FBXL2: variants seen among roughly 807,000 people sequenced by gnomAD.
FBXL2 encodes the protein F-box/LRR-repeat protein 2.
FBXL2 carries 38 observed loss-of-function variants against 69.2 expected under a neutral mutation model. The ratio of observed to expected loss-of-function variants is 0.55; its 90% CI spans 0.42 to 0.72. The LOEUF (loss-of-function observed/expected upper bound fraction) is 0.72. Ranked by LOEUF, FBXL2 falls within the 30% of genes least tolerant of loss-of-function variation. The pLI, the probability that FBXL2 is intolerant of heterozygous loss-of-function variation, is 0.00. For synonymous variants in FBXL2, 192 were observed against 201.3 expected (o/e 0.95, Z 0.39); for missense variants, 354 against 520.3 (o/e 0.68, Z 3.11).
intron 1 of FBXL2, among the ~76,000 whole-genome samples, chr3:33,285,989 C>T (rs1293529172): frequency 1.3e-5 from 2 of 152,196 alleles, no homozygotes; most frequent in African/African-American, 4.8e-5. Flanking sequence ...CGAACATCCT[C>T]CTTTAGCTTG....
intron 2 of FBXL2, among the ~76,000 whole-genome samples, chr3:33,311,710 C>T (rs112941117): frequency 1.4e-4 from 21 of 152,054 alleles, no homozygotes; most frequent in South Asian, 2.1e-4. Flanking sequence ...CTGCAACCTC[C>T]GCCTCCCAGG....
chr3:33,358,226 C>T (rs953975814), intron 2 of FBXL2, among the ~76,000 whole-genome samples: 1 of 152,194 alleles, frequency 6.6e-6, no homozygotes, highest in Non-Finnish European at 1.5e-5. Flanking sequence ...CACAGAAAAG[C>T]TGCCCTTTGT....
intron 2 of FBXL2, among the ~76,000 whole-genome samples, chr3:33,324,041 A>G (rs1307590495): frequency 2.6e-5 from 4 of 152,024 alleles, no homozygotes; most frequent in Non-Finnish European, 5.9e-5. Context: ...TTTGATTTGC[A>G]TTTCTCTAGT....
the FBXL2 span, chr3:33,416,693 T>A: frequency 7.8e-7 from 1 of 1,277,712 alleles, no homozygotes; most frequent in Non-Finnish European, 1.1e-6. Flanking sequence ...AATTAATTTT[T>A]TTTTAAACAA....
At chr3:33,306,070 A>G (rs1181218248) in intron 2 of FBXL2, among the ~76,000 whole-genome samples, 1 of 151,338 alleles carries the variant, frequency 6.6e-6, no homozygotes, top group African/African-American at 2.4e-5. Context: ...TTTGCGTTTT[A>G]TTCTGTTTTC....
Position 33,358,025 on chromosome 3 carries a change from G to A in FBXL2, c.66-942G>A, listed in dbSNP as rs535527536. 8.5e-5 allele frequency among the ~76,000 whole-genome samples: 13 copies of A among 152,284 alleles called. No homozygotes were observed. The South Asian group carries it at 2.1e-3, about 24-fold the overall frequency. ...GATTCTACTCTTCTTCCCTGAGTCC[G>A]TGGATTTTTATCTCACCACCGATTG... is the stretch of plus-strand genomic sequence containing the variant. On this transcript the variant is annotated intron_variant, in intron 2 of 14. Coordinates refer to ENST00000484457, the MANE Select transcript of FBXL2 (RefSeq NM_012157.5).
intron 9 of FBXL2, 97 bp downstream of exon 9, chr3:33,374,018 G>C (rs949564130): frequency 2.0e-5 from 22 of 1,107,580 alleles, no homozygotes; most frequent in Non-Finnish European, 3.0e-5. Flanking sequence ...CACCTGAGAT[G>C]GGCTGTGTTG....
At chr3:33,345,398 A>T (rs948025481) in intron 2 of FBXL2, among the ~76,000 whole-genome samples, 1 of 152,166 alleles carries the variant, frequency 6.6e-6, no homozygotes, top group Non-Finnish European at 1.5e-5. Flanking sequence ...ACATCATTCA[A>T]CCTACTACAT....
At chr3:33,356,549 TG>T (rs1377922048) in intron 2 of FBXL2, among the ~76,000 whole-genome samples, 1 of 152,068 alleles carries the variant, frequency 6.6e-6, no homozygotes, top group African/African-American at 2.4e-5. Context: ...GGGGTTTCAC[TG>T]TGTTGACCAG....
At chr3:33,351,778 A>G (rs74670027) in intron 2 of FBXL2, among the ~76,000 whole-genome samples, 1,970 of 152,222 alleles carry the variant, frequency 0.013, 40 homozygotes, top group African/African-American at 0.045. Flanking sequence ...CATTTAGTCA[A>G]GCGGTCGTAT....
At chr3:33,406,586 G>A (rs2044433230), downstream of FBXL2, among the ~76,000 whole-genome samples, 1 of 152,236 alleles carries the variant, frequency 6.6e-6, no homozygotes, top group Admixed American at 6.5e-5. Context: ...TAGCATGGCA[G>A]AGTAATGTAG....
downstream of FBXL2, chr3:33,391,304 T>C (rs1553669167): frequency 6.6e-6 from 1 of 152,240 alleles, no homozygotes; most frequent in Non-Finnish European, 1.5e-5. Flanking sequence ...TCACCTGACT[T>C]TTAAAACAGT....
chr3:33,343,590 A>G (rs1430787840), intron 2 of FBXL2, among the ~76,000 whole-genome samples: 7 of 152,236 alleles, frequency 4.6e-5, no homozygotes, highest in Non-Finnish European at 7.4e-5. Flanking sequence ...TCTTTATTCT[A>G]TTATTCAAAT....
rs2043852097 is a variant in FBXL2 at position 33,393,555 on chromosome 3, T to A, written n.1214+7827T>A. The A allele has an allele frequency of 4.3e-6, 5 of 1,155,402 alleles. No homozygotes were observed. The South Asian group carries it at 1.1e-4, about 26-fold the overall frequency. The allele number at this position is 1,155,402 out of a possible 1,614,324, so 71.6% of individuals were successfully genotyped here. ...TGTACGAAGGTCACACCTTTCAAAG[T>A]ACCAAAAAAGTAAAAAAACATTTTA... On this transcript the variant is annotated intron_variant and non_coding_transcript_variant, in intron 12 of 12. Coordinates refer to the FBXL2 transcript ENST00000463736.
At chr3:33,400,590 T>C (rs1575459108) in intron 12 of FBXL2, among the ~76,000 whole-genome samples, 1 of 152,292 alleles carries the variant, frequency 6.6e-6, no homozygotes, top group Non-Finnish European at 1.5e-5. Context: ...AGACTTATAT[T>C]CTCACTTATA....
rs193235847 is a variant in FBXL2, at chr3:33,290,803, T to C, written c.4-6861T>C. ...AACTGAGGTACATCAGATTCAACTT[T>C]CTGAAAATCAAAAATTTTTATAAAG... is the stretch of plus-strand genomic sequence containing the variant. On this transcript the variant is annotated intron_variant, in intron 1 of 14. Transcript: ENST00000484457. Among the ~76,000 whole-genome samples the C allele has an allele frequency of 9.4e-4, 143 of 152,224 alleles. No homozygotes were observed. In the Middle Eastern group the frequency reaches 0.02, roughly 22 times the overall value.
At chr3:33,414,343 T>C in the FBXL2 span, 2 of 152,242 alleles carry the variant, frequency 1.3e-5, no homozygotes, top group South Asian at 4.1e-4. Context: ...AAAATCTCGT[T>C]ATCTGAAAGT....
chr3:33,352,063 C>G (rs1352488167), intron 2 of FBXL2, among the ~76,000 whole-genome samples: 5 of 151,512 alleles, frequency 3.3e-5, no homozygotes, highest in Admixed American at 2.6e-4. Context: ...CACTATTGGA[C>G]TAATTTTAAG....
intron 14 of FBXL2, 97 bp from the exon 15 acceptor site, chr3:33,385,404 G>A: frequency 1.8e-6 from 2 of 1,106,246 alleles, no homozygotes; most frequent in Non-Finnish European, 2.8e-6. Flanking sequence ...CTAAGGTGAA[G>A]ATTTTTAATA....
Sources: gnomAD v4.1 joint callset for allele counts (sites outside exome capture counted in the v4.1 genomes callset) on GRCh38, gnomAD v4.1.1 for gene constraint, MANE v1.5 for transcripts, NCBI Gene and HGNC (gene_info 2026-07-23, HGNC 2026-07-21) for gene names.